Variants in PSMA1 observed in about 807,000 individuals in gnomAD.
PSMA1 encodes proteasome 20S subunit alpha 1.
A neutral mutation model predicts 38.4 loss-of-function variants in PSMA1; 3 were observed. The observed-to-expected ratio is 0.08, with a 90% CI of 0.04 to 0.20. The LOEUF (loss-of-function observed/expected upper bound fraction) is 0.20. PSMA1 is among the 10% of genes least tolerant of loss of function. The pLI is 1.00. For synonymous variants in PSMA1, 101 were observed against 107.1 expected (o/e 0.94, Z 0.35); for missense variants, 227 against 325.3 (o/e 0.70, Z 2.32).
At chr11:14,518,620 T>C (rs1342245295) in intron 2 of PSMA1, among the ~76,000 whole-genome samples, 2 of 152,198 alleles carry the variant, frequency 1.3e-5, no homozygotes, top group South Asian at 2.1e-4. Context: ...AGTCTTCATG[T>C]TGTACATTAG....
In PSMA1 at chr11:14,641,574, C is replaced by T. The variant is rs985917623; in HGVS notation, c.-166+1881G>A. Among the ~76,000 whole-genome samples the T allele has an allele frequency of 9.2e-5, 14 of 152,216 alleles. No individual in the cohort carries two copies. The East Asian group carries it at 2.1e-3, about 23-fold the overall frequency. Reference sequence around the variant, plus strand: ...GGTTGGCCTTCAGAGGGATGCACTCCGACTATGGGTTATTGAAAGAGTTGG... The same window carrying T: ...GGTTGGCCTTCAGAGGGATGCACTCTGACTATGGGTTATTGAAAGAGTTGG... On this transcript the variant is annotated intron_variant, in intron 1 of 10. Transcript: ENST00000418988.
chr11:14,504,967 C>A lies in PSMA1; in HGVS notation c.*225G>T. On this transcript the variant is annotated 3_prime_UTR_variant, in exon 10 of 10. Coordinates refer to ENST00000396394, the MANE Select transcript of PSMA1 (RefSeq NM_002786.4). Reference sequence around the variant, plus strand: ...ATATAAAAACATTAGTATAGATACCCATACTTTCTAGAAAATGATTATACA... The same window carrying A: ...ATATAAAAACATTAGTATAGATACCAATACTTTCTAGAAAATGATTATACA... 1 of 506,644 alleles carries A rather than the reference C, an allele frequency of 2.0e-6. No homozygotes were observed. The highest frequency in any genetic ancestry group is 3.5e-6 in the Non-Finnish European group (1 of 283,044). 31.4% of individuals were successfully genotyped at this position (506,644 alleles called of 1,614,324 possible).
Position 14,633,603 on chromosome 11 carries a change from C to A in PSMA1, c.-166+9852G>T, listed in dbSNP as rs1177457225. On this transcript the variant is annotated intron_variant, in intron 1 of 10. Coordinates refer to the PSMA1 transcript ENST00000418988. ...CTGCTGTCTTTTTGTTTGTCTGTGC[C>A]CTGCCCCCAGAAGTGGAGCCTACAA... Among the ~76,000 whole-genome samples, 4 of 152,278 alleles carry A rather than the reference C, an allele frequency of 2.6e-5. No homozygotes were observed. The East Asian group carries it at 5.8e-4, about 22-fold the overall frequency.
At chr11:14,532,929 T>TA (rs1400679944) in intron 2 of PSMA1, among the ~76,000 whole-genome samples, 1 of 152,058 alleles carries the variant, frequency 6.6e-6, no homozygotes, top group East Asian at 1.9e-4. Flanking sequence ...AAATAGCTGC[T>TA]AAAAAAAGAC....
intron 2 of PSMA1, among the ~76,000 whole-genome samples, chr11:14,602,230 C>T (rs1852590696): frequency 6.6e-6 from 1 of 152,152 alleles, no homozygotes; most frequent in South Asian, 2.1e-4. Context: ...GTGATAGAGA[C>T]CGTTTCCCAG....
At chr11:14,545,919 T>C (rs1768852780) in intron 2 of PSMA1, among the ~76,000 whole-genome samples, 1 of 152,216 alleles carries the variant, frequency 6.6e-6, no homozygotes, top group African/African-American at 2.4e-5. Flanking sequence ...GGGGAGATCC[T>C]GAAGGAAATG....
chr11:14,603,554 G>C (rs1439661786), intron 2 of PSMA1, among the ~76,000 whole-genome samples: 1 of 152,160 alleles, frequency 6.6e-6, no homozygotes, highest in Non-Finnish European at 1.5e-5. Context: ...ACAGTGTTTT[G>C]TGCTGAATTT....
intron 2 of PSMA1, among the ~76,000 whole-genome samples, chr11:14,560,160 T>C (rs1224936659): frequency 6.6e-6 from 1 of 152,210 alleles, no homozygotes; most frequent in Non-Finnish European, 1.5e-5. Flanking sequence ...TGGGAATGAC[T>C]GCCTTAATCC....
At chr11:14,519,221 C>G (rs1159778713) in intron 1 of PSMA1, 180 bp from the exon 2 acceptor site, 1 of 665,358 alleles carries the variant, frequency 1.5e-6, no homozygotes, top group Non-Finnish European at 2.8e-6. Flanking sequence ...ACCATAAACT[C>G]GTGGGAGAGG....
intron 2 of PSMA1, among the ~76,000 whole-genome samples, chr11:14,609,026 G>C (rs1852677915): frequency 1.3e-5 from 2 of 152,138 alleles, no homozygotes; most frequent in Admixed American, 1.3e-4. Context: ...TCCCTCAGTA[G>C]CGCAGTTCCT....
intron 1 of PSMA1, among the ~76,000 whole-genome samples, chr11:14,630,161 T>G (rs1852981040): frequency 6.6e-6 from 1 of 152,080 alleles, no homozygotes; most frequent in Non-Finnish European, 1.5e-5. Flanking sequence ...TTTATTTCCT[T>G]CTCCTGCCTA....
intron 2 of PSMA1, among the ~76,000 whole-genome samples, chr11:14,577,735 A>G (rs898718706): frequency 7.2e-5 from 11 of 152,176 alleles, no homozygotes; most frequent in Non-Finnish European, 1.5e-4. Flanking sequence ...GCTCAAGGCC[A>G]CACAGCTTAT....
At chr11:14,550,605 A>C (rs1372352583) in intron 2 of PSMA1, among the ~76,000 whole-genome samples, 1 of 151,992 alleles carries the variant, frequency 6.6e-6, no homozygotes, top group East Asian at 1.9e-4. Context: ...ACTAGAGAAG[A>C]AAAAAAACAT....
chr11:14,591,151 C>T (rs762784476), intron 2 of PSMA1, among the ~76,000 whole-genome samples: 4 of 152,220 alleles, frequency 2.6e-5, no homozygotes, highest in African/African-American at 4.8e-5. Context: ...GGCCTGCACT[C>T]GGAGCAGCCG....
At chr11:14,535,674 A>T (rs1187993394) in intron 2 of PSMA1, among the ~76,000 whole-genome samples, 3 of 151,834 alleles carry the variant, frequency 2.0e-5, no homozygotes, top group African/African-American at 7.3e-5. Flanking sequence ...CGAACTCCCG[A>T]TCTCAGGTGA....
intron 1 of PSMA1, among the ~76,000 whole-genome samples, chr11:14,634,031 C>T (rs868102048): frequency 1.3e-4 from 20 of 152,282 alleles, no homozygotes; most frequent in African/African-American, 4.8e-4. Context: ...GACCTGCGCC[C>T]ACTGTCTGGC....
intron 2 of PSMA1, among the ~76,000 whole-genome samples, chr11:14,590,360 C>T (rs1372644736): frequency 1.3e-5 from 2 of 152,176 alleles, no homozygotes; most frequent in East Asian, 3.9e-4. Flanking sequence ...TTTACCAGAA[C>T]TTAAAAAGAA....
intron 2 of PSMA1, among the ~76,000 whole-genome samples, chr11:14,601,506 C>T (rs1852579769): frequency 6.6e-6 from 1 of 152,104 alleles, no homozygotes; most frequent in Non-Finnish European, 1.5e-5. Flanking sequence ...CTAGATATGG[C>T]CTGGAGAAGA....
chr11:14,517,190 C>A (rs1851444779), intron 4 of PSMA1, among the ~76,000 whole-genome samples: 1 of 152,154 alleles, frequency 6.6e-6, no homozygotes, highest in African/African-American at 2.4e-5. Flanking sequence ...TTCAAGTTCC[C>A]TTAAGACAAG....
Sources: gnomAD v4.1 joint callset for allele counts (sites outside exome capture counted in the v4.1 genomes callset) on GRCh38, gnomAD v4.1.1 for gene constraint, MANE v1.5 for transcripts, NCBI Gene and HGNC (gene_info 2026-07-23, HGNC 2026-07-21) for gene names.